Variants in RASSF3 observed in about 807,000 individuals in gnomAD.
RASSF3 encodes the protein Ras association domain family member 3, also known as ras association domain-containing protein 3.
Under a neutral mutation model 19.9 loss-of-function variants are expected in RASSF3, and 19 were observed. That is an observed-to-expected ratio of 0.96 (90% CI 0.67 to 1.40). The LOEUF (loss-of-function observed/expected upper bound fraction) is 1.40. RASSF3 is among the 40% of genes most tolerant of loss of function. The pLI, the probability that RASSF3 is intolerant of heterozygous loss-of-function variation, is 0.00. For synonymous variants in RASSF3, 110 were observed against 104.2 expected, an observed-to-expected ratio of 1.06 and a Z score of -0.34; for missense variants, 306 against 289.8, an observed-to-expected ratio of 1.06 and a Z score of -0.41.
rs1394060004 is a variant in RASSF3, at chr12:64,664,461, GCCTC to G, written c.112-20322_112-20319del. On this transcript the variant is annotated intron_variant, in intron 1 of 4. Coordinates refer to ENST00000542104, the MANE Select transcript of RASSF3 (RefSeq NM_178169.4). ...ACACCTGCATAGGCCACCCATCTCGGCCTCCCTAAGTGCTGGGATTACAGGCGTG... is the reference window on the plus strand; with the variant it reads ...ACACCTGCATAGGCCACCCATCTCGGCCTAAGTGCTGGGATTACAGGCGTG... 2.0e-5 allele frequency among the ~76,000 whole-genome samples: 3 copies of G among 152,106 alleles called. No homozygotes were observed. In the East Asian group the frequency reaches 5.8e-4, roughly 29 times the overall value.
chr12:64,631,817 C>T (rs1269372549), intron 1 of RASSF3, among the ~76,000 whole-genome samples: 9 of 152,048 alleles, frequency 5.9e-5, no homozygotes, highest in African/African-American at 1.9e-4. Flanking sequence ...TCAGGTTATC[C>T]GCCCACCTCG....
intron 1 of RASSF3, among the ~76,000 whole-genome samples, chr12:64,666,701 T>C (rs929053424): frequency 6.6e-6 from 1 of 152,180 alleles, no homozygotes; most frequent in African/African-American, 2.4e-5. Flanking sequence ...TCCTTGGCAG[T>C]GCTCCCTTCC....
At chr12:64,569,049 C>T (rs1869477311) in intron 2 of RASSF3, among the ~76,000 whole-genome samples, 1 of 152,118 alleles carries the variant, frequency 6.6e-6, no homozygotes. Flanking sequence ...ACTGAAGTAG[C>T]CAGGTCAACT....
At chr12:64,642,393 C>G (rs929986468) in intron 1 of RASSF3, among the ~76,000 whole-genome samples, 5 of 151,348 alleles carry the variant, frequency 3.3e-5, no homozygotes, top group African/African-American at 1.2e-4. Context: ...AACCCTGTCT[C>G]TACTAAAAAT....
chr12:64,580,045 C>T (rs1869665185), intron 2 of RASSF3, among the ~76,000 whole-genome samples: 1 of 151,804 alleles, frequency 6.6e-6, no homozygotes. Flanking sequence ...GAACTCCTGA[C>T]TTCAAGTGAT....
intron 1 of RASSF3, among the ~76,000 whole-genome samples, chr12:64,613,873 G>A (rs1245608373): frequency 6.6e-6 from 1 of 152,010 alleles, no homozygotes. Context: ...GCTTAAGGCC[G>A]GGAGGCAGAG....
At chr12:64,596,634 C>T (rs1870002776) in intron 2 of RASSF3, among the ~76,000 whole-genome samples, 1 of 152,144 alleles carries the variant, frequency 6.6e-6, no homozygotes, top group Non-Finnish European at 1.5e-5. Context: ...AGCCCTCCAC[C>T]CTCACCCCAT....
At chr12:64,687,584 A>AT (rs990164005) in intron 2 of RASSF3, among the ~76,000 whole-genome samples, 37 of 151,218 alleles carry the variant, frequency 2.4e-4, no homozygotes, top group African/African-American at 8.7e-4. Flanking sequence ...AAGCGATTGA[A>AT]TTTTTTTTTA....
At position 64,644,699 on chromosome 12, in the gene RASSF3, AAAAC is replaced by A. The variant is rs67152006; in HGVS notation, c.111+33972_111+33975del. Among the ~76,000 whole-genome samples, 8 of 150,340 alleles carry A rather than the reference AAAAC, an allele frequency of 5.3e-5. No homozygotes were observed. In the South Asian group the frequency reaches 8.5e-4, roughly 16 times the overall value. On this transcript the variant is annotated intron_variant, in intron 1 of 4. Coordinates refer to ENST00000542104, the MANE Select transcript of RASSF3 (RefSeq NM_178169.4). The stretch of plus-strand genomic sequence containing the variant: ...GCAGCAGAGACCCTGTCTCCAACCA[AAAAC>A]AAACAAACAAACAAAAATATATATA...
At chr12:64,561,575 A>G (rs1869347279) in intron 2 of RASSF3, among the ~76,000 whole-genome samples, 1 of 152,176 alleles carries the variant, frequency 6.6e-6, no homozygotes. Flanking sequence ...CATTGATCTC[A>G]GAGTCAAAAT....
chr12:64,595,755 C>T (rs1869990179), intron 2 of RASSF3, among the ~76,000 whole-genome samples: 1 of 152,034 alleles, frequency 6.6e-6, no homozygotes, highest in Non-Finnish European at 1.5e-5. Flanking sequence ...TAAAACAATA[C>T]CCCAAAATGA....
rs373423563 is a variant in RASSF3, at chr12:64,634,693, A to G, written c.111+23950A>G. 7.3e-5 allele frequency among the ~76,000 whole-genome samples: 11 copies of G among 149,978 alleles called. No individual in the cohort carries two copies. The East Asian group carries it at 1.6e-3, about 22-fold the overall frequency. On this transcript the variant is annotated intron_variant, in intron 1 of 4. Coordinates refer to ENST00000542104, the MANE Select transcript of RASSF3 (RefSeq NM_178169.4). Reference sequence around the variant, plus strand: ...TGAGAATCGCTTGAATTTGGCAGGCAAAGTTTACAGTGAGCCGAGATGGCA... The same window carrying G: ...TGAGAATCGCTTGAATTTGGCAGGCGAAGTTTACAGTGAGCCGAGATGGCA...
rs370114370 is a variant in RASSF3, at chr12:64,597,074, AT to A, written c.294+55378del. On this transcript the variant is annotated intron_variant, in intron 2 of 5. Transcript: ENST00000637125. ...GAGCCACCGCACCCAGCCTCAGTGT[AT>A]TTTTTTTTAACACGTTGGCCTTCAC... 2.4e-3 allele frequency among the ~76,000 whole-genome samples: 367 copies of A among 150,842 alleles called. 1 individual carries two copies. Among genetic ancestry groups the A allele is most frequent in the African/African-American group, 8.3e-3 (342 of 41,134 alleles).
intron 2 of RASSF3, among the ~76,000 whole-genome samples, chr12:64,551,143 T>A (rs917248971): frequency 2.0e-5 from 3 of 152,136 alleles, no homozygotes; most frequent in Non-Finnish European, 4.4e-5. Flanking sequence ...TACAGCACTT[T>A]ACAGTACCAG....
intron 1 of RASSF3, among the ~76,000 whole-genome samples, chr12:64,617,511 T>C (rs1565851018): frequency 2.6e-5 from 4 of 152,220 alleles, no homozygotes; most frequent in African/African-American, 9.6e-5. Flanking sequence ...CTTTGAAATG[T>C]AGTTTTTCAG....
At chr12:64,619,132 T>A (rs1053567622) in intron 1 of RASSF3, among the ~76,000 whole-genome samples, 5 of 152,158 alleles carry the variant, frequency 3.3e-5, no homozygotes, top group African/African-American at 1.2e-4. Context: ...TGGCAGCCCT[T>A]GCCAGAGGTT....
intron 1 of RASSF3, among the ~76,000 whole-genome samples, chr12:64,644,308 C>T (rs1020891330): frequency 6.6e-6 from 1 of 152,078 alleles, no homozygotes; most frequent in African/African-American, 2.4e-5. Flanking sequence ...TGGCCTAGAG[C>T]GTAGCTTGAA....
intron 2 of RASSF3, among the ~76,000 whole-genome samples, chr12:64,574,078 G>A (rs1386729594): frequency 3.9e-5 from 6 of 152,058 alleles, no homozygotes; most frequent in East Asian, 3.9e-4. Flanking sequence ...CGAGGTGGGC[G>A]GATCACTTGA....
intron 2 of RASSF3, among the ~76,000 whole-genome samples, chr12:64,579,884 G>C (rs1426909764): frequency 1.4e-5 from 2 of 147,656 alleles, no homozygotes; most frequent in East Asian, 2.0e-4. Flanking sequence ...GCGCAATCTT[G>C]GCTCACTGCA....
Sources: gnomAD v4.1 joint callset for allele counts (sites outside exome capture counted in the v4.1 genomes callset) on GRCh38, gnomAD v4.1.1 for gene constraint, MANE v1.5 for transcripts, NCBI Gene and HGNC (gene_info 2026-07-23, HGNC 2026-07-21) for gene names.